PDE5A: variants seen among roughly 807,000 people sequenced by gnomAD.
PDE5A encodes phosphodiesterase 5A, also known as cGMP-specific 3',5'-cyclic phosphodiesterase.
A neutral mutation model predicts 110.2 loss-of-function variants in PDE5A; 67 were observed. That is an observed-to-expected ratio of 0.61 (90% CI 0.50 to 0.75). PDE5A has a LOEUF of 0.75. PDE5A is among the 30% of genes least tolerant of loss of function. The probability of loss-of-function intolerance (pLI) is 0.00; values close to 1 mark genes in which losing one functional copy is unlikely to be tolerated. For synonymous variants in PDE5A, 328 were observed against 351.2 expected (o/e 0.93, Z 0.74); for missense variants, 862 against 1,045.1 (o/e 0.82, Z 2.42).
chr4:119,516,908 C>T (rs1424047443), intron 14 of PDE5A, among the ~76,000 whole-genome samples: 1 of 152,178 alleles, frequency 6.6e-6, no homozygotes, highest in Non-Finnish European at 1.5e-5. Context: ...CGTGAGCCAC[C>T]GCGCCCAGCC....
chr4:119,623,244 T>C (rs1451931102), intron 1 of PDE5A, among the ~76,000 whole-genome samples: 1 of 152,228 alleles, frequency 6.6e-6, no homozygotes, highest in African/African-American at 2.4e-5. Flanking sequence ...CAACTGAATC[T>C]ACATCTATGC....
At chr4:119,516,742 C>T (rs1725921810) in intron 14 of PDE5A, among the ~76,000 whole-genome samples, 1 of 152,150 alleles carries the variant, frequency 6.6e-6, no homozygotes, top group South Asian at 2.1e-4. Flanking sequence ...CTCAGCCTTC[C>T]AAGTAGCTGG....
At chr4:119,625,473 C>A in intron 1 of PDE5A, among the ~76,000 whole-genome samples, 1 of 142,032 alleles carries the variant, frequency 7.0e-6, no homozygotes, top group East Asian at 2.1e-4. Flanking sequence ...ATCATTTAGT[C>A]TGAGAAAAGG....
chr4:119,535,597 T>C (rs1036895084), intron 11 of PDE5A, among the ~76,000 whole-genome samples: 3 of 152,126 alleles, frequency 2.0e-5, no homozygotes, highest in African/African-American at 7.2e-5. Context: ...TCTCCGCAAC[T>C]TGCAACTAAG....
chr4:119,563,738 G>A (rs181329037), intron 5 of PDE5A, among the ~76,000 whole-genome samples: 1 of 152,252 alleles, frequency 6.6e-6, no homozygotes, highest in African/African-American at 2.4e-5. Context: ...AGCACTGTAT[G>A]TCTTTTGAAG....
chr4:119,574,929 A>C (rs953076417), intron 3 of PDE5A, among the ~76,000 whole-genome samples: 2 of 152,210 alleles, frequency 1.3e-5, no homozygotes, highest in Non-Finnish European at 2.9e-5. Context: ...AAAACTCATC[A>C]AATTGTTCAT....
At chr4:119,545,609 G>C (rs1727104924) in intron 9 of PDE5A, among the ~76,000 whole-genome samples, 1 of 152,206 alleles carries the variant, frequency 6.6e-6, no homozygotes, top group Non-Finnish European at 1.5e-5. Context: ...GGTCATCACA[G>C]TAGGTCTGAG....
chr4:119,592,543 C>G (rs918696190), intron 3 of PDE5A, among the ~76,000 whole-genome samples: 2 of 150,108 alleles, frequency 1.3e-5, no homozygotes, highest in African/African-American at 4.9e-5. Flanking sequence ...ATCCCTTATC[C>G]GAAATGCTCG....
rs775343739 is a variant in PDE5A at position 119,502,604 on chromosome 4, TTCTC to T, written c.2379_2382del (p.Arg794LysfsTer5). The T allele has an allele frequency of 1.1e-5, 18 of 1,604,954 alleles. No individual in the cohort carries two copies. Among genetic ancestry groups the T allele is most frequent in the Non-Finnish European group, 1.3e-5 (15 of 1,172,246 alleles). The stretch of plus-strand genomic sequence containing the variant: ...ACAGTGGGTTCTATGTTGAGTTCTT[TTCTC>T]TCTCTGTCTCCTTGATCAAAAAATT... On this transcript the variant is annotated frameshift_variant, in exon 19 of 21. Coordinates refer to ENST00000354960, the MANE Select transcript of PDE5A (RefSeq NM_001083.4). LOFTEE classifies it high-confidence loss of function.
At chr4:119,619,410 C>T (rs1030647657) in intron 1 of PDE5A, among the ~76,000 whole-genome samples, 2 of 152,126 alleles carry the variant, frequency 1.3e-5, no homozygotes, top group African/African-American at 4.8e-5. Context: ...CCCTCTTTCA[C>T]CTCCCGTCTT....
At chr4:119,515,907 G>C (rs1725892658) in intron 14 of PDE5A, among the ~76,000 whole-genome samples, 1 of 152,070 alleles carries the variant, frequency 6.6e-6, no homozygotes, top group Admixed American at 6.6e-5. Context: ...CACTGCAGTG[G>C]CTCCTTTTTC....
Position 119,542,651 on chromosome 4 carries a change from A to C in PDE5A, c.1397-17T>G. 2 of 1,604,796 alleles carry C rather than the reference A, an allele frequency of 1.2e-6. No individual in the cohort carries two copies. Among genetic ancestry groups the C allele is most frequent in the South Asian group, 2.2e-5 (2 of 90,580 alleles). ...GGCAAACCCCTATAACAATCCGAGA[A>C]ATTGAGCAAATGTTATTGTTGATTA... On this transcript the variant is annotated splice_polypyrimidine_tract_variant and intron_variant, in intron 9 of 20. Transcript: ENST00000354960.
chr4:119,519,183 T>A (rs112167661), intron 13 of PDE5A, 44 bp from the exon 14 acceptor site: 1 of 1,399,308 alleles, frequency 7.1e-7, no homozygotes, highest in Admixed American at 1.7e-5. Flanking sequence ...ACAAATATAA[T>A]GTGGTGAAGG....
At chr4:119,599,043 G>A (rs17051262) in intron 2 of PDE5A, among the ~76,000 whole-genome samples, 2,577 of 152,142 alleles carry the variant, frequency 0.017, 69 homozygotes, top group African/African-American at 0.058. Flanking sequence ...ATTCAGCAGC[G>A]CAGGCATTGA....
intron 1 of PDE5A, among the ~76,000 whole-genome samples, chr4:119,622,798 G>A (rs1212308146): frequency 2.0e-5 from 3 of 149,080 alleles, no homozygotes; most frequent in African/African-American, 2.5e-5. Context: ...GCGTAAACTC[G>A]GCTTGCAATG....
At chr4:119,561,141 GA>G (rs1017812219) in intron 6 of PDE5A, among the ~76,000 whole-genome samples, 32 of 151,120 alleles carry the variant, frequency 2.1e-4, no homozygotes, top group Admixed American at 6.6e-4. Context: ...AAATAAGAAA[GA>G]AAAAAAATTT....
Position 119,542,532 on chromosome 4 carries a change from C to G in PDE5A, c.1499G>C (p.Gly500Ala). The change falls in exon 10 of 21, where the codon GGC becomes GCC. Residue 500 changes from glycine (G) to alanine (A), a missense_variant. By Grantham distance (60) the Gly-to-Ala change is moderately conservative. Coordinates refer to ENST00000354960, the MANE Select transcript of PDE5A (RefSeq NM_001083.4). ...CATCTGCGTGTTCTGGATCCCCAAG[C>G]CACAAAAGATGACAAAAGCTTCCAG... ...QFLEAFVIFC[G>A]LGIQNTQMYE... The G allele has an allele frequency of 6.2e-7, 1 of 1,614,040 alleles. No homozygotes were observed. Among genetic ancestry groups the G allele is most frequent in the Non-Finnish European group, 8.5e-7 (1 of 1,179,954 alleles).
chr4:119,500,017 T>C (rs1725241160), intron 20 of PDE5A: 1 of 151,986 alleles, frequency 6.6e-6, no homozygotes, highest in South Asian at 2.1e-4. Context: ...CTATAATAGG[T>C]GATTACTATG....
intron 3 of PDE5A, among the ~76,000 whole-genome samples, chr4:119,579,376 A>G (rs532333949): frequency 1.7e-3 from 265 of 152,318 alleles, no homozygotes; most frequent in African/African-American, 5.9e-3. Context: ...GCTGCTGTAA[A>G]GACACATGCA....
Sources: allele counts gnomAD v4.1 joint callset (sites outside exome capture counted in the v4.1 genomes callset), GRCh38; gene constraint gnomAD v4.1.1; transcripts MANE v1.5; gene names NCBI Gene and HGNC (gene_info 2026-07-23, HGNC 2026-07-21).